The following SHISA9 variants were observed in gnomAD, a reference collection of about 807,000 sequenced individuals.
SHISA9 encodes the protein shisa family member 9.
A neutral mutation model predicts 38.0 loss-of-function variants in SHISA9; 13 were observed. The ratio of observed to expected loss-of-function variants is 0.34; its 90% CI spans 0.22 to 0.54. The LOEUF is 0.54. Ranked by LOEUF, SHISA9 falls within the 20% of genes least tolerant of loss-of-function variation. The pLI is 0.91. For missense variants in SHISA9, 538 were observed against 575.8 expected, an observed-to-expected ratio of 0.93 and a Z score of 0.67; for synonymous variants, 275 against 242.0, an observed-to-expected ratio of 1.14 and a Z score of -1.27.
At chr16:13,562,440 G>A in the SHISA9 span, among the ~76,000 whole-genome samples, 5 of 152,132 alleles carry the variant, frequency 3.3e-5, no homozygotes, top group East Asian at 9.7e-4. Flanking sequence ...GACCAGCCTG[G>A]CCAACACGGT....
intron 2 of SHISA9, among the ~76,000 whole-genome samples, chr16:13,194,121 A>G (rs2142043833): frequency 6.6e-6 from 1 of 152,214 alleles, no homozygotes; most frequent in African/African-American, 2.4e-5. Flanking sequence ...GAGGAGTCAG[A>G]CATCCCATCC....
At chr16:12,921,827 A>G (rs1434367387) in intron 2 of SHISA9, among the ~76,000 whole-genome samples, 6 of 152,172 alleles carry the variant, frequency 3.9e-5, no homozygotes, top group African/African-American at 9.7e-5. Flanking sequence ...AATGATAAGT[A>G]TAGATCGAGG....
chr16:13,529,636 G>A, the SHISA9 span, among the ~76,000 whole-genome samples: 1 of 152,142 alleles, frequency 6.6e-6, no homozygotes, highest in South Asian at 2.1e-4. Context: ...ACGCATATTG[G>A]CTCAGAATAA....
At chr16:13,373,837 T>C in the SHISA9 span, among the ~76,000 whole-genome samples, 1 of 151,084 alleles carries the variant, frequency 6.6e-6, no homozygotes, top group South Asian at 2.1e-4. Context: ...AATGAGGTAA[T>C]GTACATGCAG....
the SHISA9 span, among the ~76,000 whole-genome samples, chr16:13,345,081 G>T: frequency 6.6e-6 from 1 of 152,052 alleles, no homozygotes; most frequent in African/African-American, 2.4e-5. Context: ...CACCCAAGCT[G>T]CTTGCTTGGG....
At chr16:13,296,804 T>A in the SHISA9 span, among the ~76,000 whole-genome samples, 1 of 133,174 alleles carries the variant, frequency 7.5e-6, no homozygotes, top group African/African-American at 2.9e-5. Flanking sequence ...GGCAGGAGAA[T>A]CACTTGAACC....
At chr16:13,475,699 G>A in the SHISA9 span, among the ~76,000 whole-genome samples, 37,297 of 152,032 alleles carry the variant, frequency 0.25, 4,721 homozygotes, top group African/African-American at 0.28. Flanking sequence ...TGATAACATT[G>A]CAATATATAA....
chr16:13,387,944 A>G, the SHISA9 span, among the ~76,000 whole-genome samples: 2 of 152,118 alleles, frequency 1.3e-5, no homozygotes, highest in East Asian at 1.9e-4. Context: ...AAAAAAAGAC[A>G]TGTATCTCCT....
intron 2 of SHISA9, among the ~76,000 whole-genome samples, chr16:13,110,243 C>T (rs9646270): frequency 0.078 from 11,934 of 152,216 alleles, 596 homozygotes; most frequent in South Asian, 0.16. Context: ...AGCATTTCCG[C>T]CTACTAGTCA....
chr16:13,203,370 C>T (rs899948151), intron 2 of SHISA9, 24 bp from the exon 3 acceptor site: 102 of 1,503,136 alleles, frequency 6.8e-5, no homozygotes, highest in Non-Finnish European at 8.8e-5. Flanking sequence ...CTGTGACAAT[C>T]TCCTTCTGTG....
At chr16:13,275,894 T>A in the SHISA9 span, among the ~76,000 whole-genome samples, 1 of 151,998 alleles carries the variant, frequency 6.6e-6, no homozygotes, top group African/African-American at 2.4e-5. Context: ...ATCAATTCTG[T>A]TGAAATTTTT....
chr16:13,399,799 T>C, the SHISA9 span, among the ~76,000 whole-genome samples: 8 of 152,226 alleles, frequency 5.3e-5, no homozygotes, highest in Admixed American at 3.9e-4. Flanking sequence ...CTGGAGTGGG[T>C]CCTGAGAATC....
chr16:13,033,615 CT>C, intron 2 of SHISA9, among the ~76,000 whole-genome samples: 1 of 152,256 alleles, frequency 6.6e-6, no homozygotes, highest in South Asian at 2.1e-4. Flanking sequence ...AATCAAGAGA[CT>C]CAGGCATGGG....
the SHISA9 span, among the ~76,000 whole-genome samples, chr16:13,392,607 A>G: frequency 6.6e-6 from 1 of 152,156 alleles, no homozygotes; most frequent in Non-Finnish European, 1.5e-5. Context: ...TAGGCTCACA[A>G]TGATGTACTC....
chr16:13,548,745 A>C, the SHISA9 span, among the ~76,000 whole-genome samples: 20 of 151,846 alleles, frequency 1.3e-4, no homozygotes, highest in African/African-American at 3.9e-4. Context: ...AGGAGAACAC[A>C]TACCTTTTTG....
chr16:13,395,911 T>C, the SHISA9 span, among the ~76,000 whole-genome samples: 7 of 152,326 alleles, frequency 4.6e-5, no homozygotes, highest in Non-Finnish European at 7.3e-5. Context: ...TTAGGTAACG[T>C]GTTCAGGGTC....
intron 2 of SHISA9, among the ~76,000 whole-genome samples, chr16:12,968,952 C>G (rs1004234367): frequency 1.3e-5 from 2 of 151,812 alleles, no homozygotes; most frequent in Non-Finnish European, 1.5e-5. Flanking sequence ...GTCAGGAGTT[C>G]GAGACCAGCC....
chr16:13,048,287 T>C (rs1408704443), intron 2 of SHISA9, among the ~76,000 whole-genome samples: 1 of 152,204 alleles, frequency 6.6e-6, no homozygotes, highest in Non-Finnish European at 1.5e-5. Flanking sequence ...TAACTCAAAA[T>C]CAGATGGGAT....
At chr16:13,421,880 TA>T in the SHISA9 span, among the ~76,000 whole-genome samples, 4 of 152,182 alleles carry the variant, frequency 2.6e-5, no homozygotes, top group Non-Finnish European at 5.9e-5. Flanking sequence ...CCAGCCACAC[TA>T]AAAGAAATGT....
Sources: allele counts gnomAD v4.1 joint callset (sites outside exome capture counted in the v4.1 genomes callset), GRCh38; gene constraint gnomAD v4.1.1; transcripts MANE v1.5; gene names NCBI Gene and HGNC (gene_info 2026-07-23, HGNC 2026-07-21).